The following ZNF492 variants were observed in gnomAD, a reference collection of about 807,000 sequenced individuals.
ZNF492 encodes the protein zinc finger protein 492.
Under a neutral mutation model 6.4 loss-of-function variants are expected in ZNF492, and 3 were observed. That is an observed-to-expected ratio of 0.47 (90% CI 0.21 to 1.22). The LOEUF is 1.22. Ranked by LOEUF, ZNF492 falls within the 50% of genes most tolerant of loss-of-function variation. The pLI, the probability that ZNF492 is intolerant of heterozygous loss-of-function variation, is 0.22. For missense variants in ZNF492, 356 were observed against 612.5 expected (o/e 0.58, Z 4.42); for synonymous variants, 112 against 205.3 (o/e 0.55, Z 3.89).
chr19:22,635,975 G>A (rs1971757336), intron 1 of ZNF492, among the ~76,000 whole-genome samples: 1 of 152,174 alleles, frequency 6.6e-6, no homozygotes, highest in African/African-American at 2.4e-5. Context: ...GAGGTACTAA[G>A]CATAGCACCA....
Position 22,664,227 on chromosome 19 carries a change from A to G in ZNF492, c.558A>G (p.Thr186=), listed in dbSNP as rs764101579. 5.0e-6 allele frequency: 8 copies of G among 1,612,420 alleles called. No homozygotes were observed. The highest frequency in any genetic ancestry group is 2.2e-5 in the East Asian group (1 of 44,852). The change falls in exon 4 of 4, where the codon ACA becomes ACG. Residue 186 remains threonine (T), a synonymous_variant. Transcript: ENST00000456783. ...ATAATGAGACCTCAAACCTTTCTAC[A>G]CATAAAAGAATTCATACTGGAAAGA... ...KAYNETSNLS[T]HKRIHTGKKP... is the part of the protein sequence containing the mutation.
chr19:22,661,270 G>C (rs1269636045), intron 3 of ZNF492, among the ~76,000 whole-genome samples: 1 of 151,554 alleles, frequency 6.6e-6, no homozygotes, highest in Admixed American at 6.6e-5. Flanking sequence ...TTCTACAGTG[G>C]ACTGTGTTCC....
chr19:22,656,265 C>T (rs1178517322), intron 3 of ZNF492, among the ~76,000 whole-genome samples: 1 of 148,200 alleles, frequency 6.7e-6, no homozygotes. Context: ...TAGGGTCCAC[C>T]TTTAGTTGGC....
At chr19:22,647,744 T>G (rs1465782781) in intron 1 of ZNF492, among the ~76,000 whole-genome samples, 3 of 144,968 alleles carry the variant, frequency 2.1e-5, no homozygotes, top group African/African-American at 8.0e-5. Context: ...TTTTTTTTTT[T>G]TTTGAGATGG....
At position 22,663,952 on chromosome 19, in the gene ZNF492, A is replaced by G. The variant is rs761827411; in HGVS notation, c.283A>G (p.Lys95Glu). ...CKSMDECKVHKECYNGLNQCL... is the reference protein window; with the variant it reads ...CKSMDECKVHEECYNGLNQCL... ...AAGCATGGATGAGTGTAAGGTGCAC[A>G]AAGAATGTTACAATGGACTTAACCA... is the stretch of plus-strand genomic sequence containing the variant. Residue 95 changes from lysine to glutamate, a missense_variant, in exon 4 of 4, where the codon AAA becomes GAA. Physicochemically the swap from Lys to Glu is moderately conservative, Grantham distance 56 (BLOSUM62 1). Transcript: ENST00000456783. The G allele has an allele frequency of 1.4e-5, 23 of 1,611,950 alleles. No individual in the cohort carries two copies. In the Admixed American group the frequency reaches 1.7e-4, roughly 12 times the overall value.
At chr19:22,636,530 G>C (rs887038025) in intron 1 of ZNF492, among the ~76,000 whole-genome samples, 1 of 151,558 alleles carries the variant, frequency 6.6e-6, no homozygotes, top group Admixed American at 6.6e-5. Flanking sequence ...GTGTGTGTGT[G>C]TGTGTGTGTG....
intron 3 of ZNF492, 104 bp from the exon 4 acceptor site, chr19:22,663,696 G>T (rs1353510904): frequency 4.6e-6 from 5 of 1,075,856 alleles, no homozygotes; most frequent in Non-Finnish European, 6.3e-6. Flanking sequence ...ATATTTTGCT[G>T]TAACATCTTG....
rs375175644 is a variant in ZNF492 at position 22,649,647 on chromosome 19, T to G, written c.-93-3660T>G. Among the ~76,000 whole-genome samples the G allele has an allele frequency of 8.5e-4, 130 of 152,272 alleles. 1 individual carries two copies. Among genetic ancestry groups the G allele is most frequent in the African/African-American group, 2.9e-3 (120 of 41,572 alleles). ...ATTCTTGTTCATTCTTGTTCAGTCT[T>G]TTTTTCTCTAATCTTGTCTGCATGC... On this transcript the variant is annotated intron_variant, in intron 1 of 3. Coordinates refer to ENST00000456783, the MANE Select transcript of ZNF492 (RefSeq NM_020855.3).
At position 22,649,998 on chromosome 19, in the gene ZNF492, T is replaced by C. The variant is rs566540266; in HGVS notation, c.-93-3309T>C. Among the ~76,000 whole-genome samples, 328 of 152,308 alleles carry C rather than the reference T, an allele frequency of 2.2e-3. 2 individuals carry two copies. Among genetic ancestry groups the C allele is most frequent in the African/African-American group, 7.5e-3 (310 of 41,578 alleles). On this transcript the variant is annotated intron_variant, in intron 1 of 3. Transcript: ENST00000456783. ...GTTCTGCACCCTTGCTGGAGAGGCA[T>C]TGCAATCATTTGGAGAAGAAGAGGC...
intron 1 of ZNF492, among the ~76,000 whole-genome samples, chr19:22,635,659 T>C (rs1204039231): frequency 2.0e-5 from 3 of 152,240 alleles, no homozygotes; most frequent in Non-Finnish European, 4.4e-5. Context: ...TTGCAAACGT[T>C]ATGGGGTGAT....
In ZNF492 at chr19:22,667,308, A is replaced by G. The variant is rs1972141070; in HGVS notation, c.*2043A>G. 2 of 152,316 alleles carry G rather than the reference A, an allele frequency of 1.3e-5. No individual in the cohort carries two copies. Among genetic ancestry groups the G allele is most frequent in the South Asian group, 2.1e-4 (1 of 4,826 alleles). The allele number at this position is 152,316 out of a possible 1,614,324, so 9.4% of individuals were successfully genotyped here. On this transcript the variant is annotated 3_prime_UTR_variant, in exon 4 of 4. Coordinates refer to ENST00000456783, the MANE Select transcript of ZNF492 (RefSeq NM_020855.3). The stretch of plus-strand genomic sequence containing the variant: ...AGAATGCACTAACATCTGTAGTACT[A>G]ATCTTTTTTCCAGTGGCTTTAAACT...
chr19:22,644,819 G>A (rs973524627), intron 1 of ZNF492, among the ~76,000 whole-genome samples: 3 of 152,166 alleles, frequency 2.0e-5, no homozygotes, highest in South Asian at 2.1e-4. Context: ...CTTCGACGAT[G>A]GTTGAACTAA....
At chr19:22,662,569 A>G (rs961230821) in intron 3 of ZNF492, among the ~76,000 whole-genome samples, 5 of 151,846 alleles carry the variant, frequency 3.3e-5, no homozygotes, top group East Asian at 3.9e-4. Context: ...AAGCGTTTCT[A>G]TTTCTCCACA....
intron 2 of ZNF492, 21 bp downstream of exon 2, chr19:22,653,454 C>G: frequency 6.2e-7 from 1 of 1,611,368 alleles, no homozygotes; most frequent in Non-Finnish European, 8.5e-7. Flanking sequence ...CTTCAATATA[C>G]AATTCCCTAA....
rs1472716033 is a variant in ZNF492 at position 22,665,249 on chromosome 19, G to T, written c.1580G>T (p.Cys527Phe). 1 of 1,572,418 alleles carries T rather than the reference G, an allele frequency of 6.4e-7. No individual in the cohort carries two copies. The highest frequency in any genetic ancestry group is 1.2e-5 in the South Asian group (1 of 86,752). ...IAKISKYKRN[C>F]AGEK ...AAGATTTCCAAATATAAAAGAAATT[G>T]TGCTGGTGAGAAATAATAGAAATAT... The change falls in exon 4 of 4, where the codon TGT (cysteine) becomes TTT (phenylalanine). Residue 527 changes from cysteine to phenylalanine, a missense_variant. Transcript: ENST00000456783.
chr19:22,663,872 T>G lies in ZNF492; in HGVS notation c.203T>G (p.Leu68Arg), dbSNP rs780208702. 3.8e-6 allele frequency: 6 copies of G among 1,580,404 alleles called. No homozygotes were observed. The East Asian group carries it at 1.1e-4, about 30-fold the overall frequency. Reference sequence around the variant, plus strand: ...AAAAATTATTTCCAAAAAGTGATACTGAGAAGATATAAAAAATGTGGATGT... The same window carrying G: ...AAAAATTATTTCCAAAAAGTGATACGGAGAAGATATAAAAAATGTGGATGT... Reference protein sequence around the residue: ...GKKNYFQKVILRRYKKCGCEN... With the variant: ...GKKNYFQKVIRRRYKKCGCEN... The change falls in exon 4 of 4, where the codon CTG (leucine) becomes CGG (arginine). Residue 68 changes from leucine (L) to arginine (R), a missense_variant. Leu to Arg is a moderately radical substitution (Grantham distance 102). This residue lies in a region of ZNF492 where 196 missense variants were observed against 219.4 expected (regional missense o/e 0.89). Transcript: ENST00000456783.
chr19:22,663,756 C>T, intron 3 of ZNF492, 44 bp from the exon 4 acceptor site: 1 of 1,439,602 alleles, frequency 6.9e-7, no homozygotes, highest in Non-Finnish European at 9.1e-7. Flanking sequence ...GTACATTCGT[C>T]TGAGTCAGTA....
Position 22,666,770 on chromosome 19 carries a change from A to T in ZNF492, c.*1505A>T, listed in dbSNP as rs1468327766. ...AAATAAATTAGTATATTATTTTACT[A>T]ATTTTACTTTTATGAAAATGCAGTA... On this transcript the variant is annotated 3_prime_UTR_variant, in exon 4 of 4. Transcript: ENST00000456783. The T allele has an allele frequency of 3.3e-5, 5 of 152,186 alleles. No homozygotes were observed. Among genetic ancestry groups the T allele is most frequent in the Non-Finnish European group, 7.3e-5 (5 of 68,038 alleles). The allele number at this position is 152,186 out of a possible 1,614,324, so 9.4% of individuals were successfully genotyped here. A position where few individuals can be genotyped will look rare whatever the true frequency, so the allele number is the denominator to read the frequency against.
intron 3 of ZNF492, among the ~76,000 whole-genome samples, chr19:22,655,915 C>G (rs1971992520): frequency 7.0e-6 from 1 of 143,682 alleles, no homozygotes; most frequent in South Asian, 2.2e-4. Context: ...ACCTCCACCT[C>G]CCAGGTTCAA....
Sources: allele counts gnomAD v4.1 joint callset (sites outside exome capture counted in the v4.1 genomes callset), GRCh38; gene constraint gnomAD v4.1.1; regional missense constraint gnomAD v4.1.1; transcripts MANE v1.5; gene names NCBI Gene and HGNC (gene_info 2026-07-23, HGNC 2026-07-21).